SKI: variants seen among roughly 807,000 people sequenced by gnomAD.
The protein encoded by SKI is ski oncogene.
A neutral mutation model predicts 59.3 loss-of-function variants in SKI; 23 were observed. The ratio of observed to expected loss-of-function variants is 0.39; its 90% CI spans 0.28 to 0.55. The LOEUF (loss-of-function observed/expected upper bound fraction) is 0.55. SKI is among the 20% of genes least tolerant of loss of function. The pLI, the probability that SKI is intolerant of heterozygous loss-of-function variation, is 0.67. For missense variants in SKI, 1,017 were observed against 1,038.9 expected, an observed-to-expected ratio of 0.98 and a Z score of 0.29; for synonymous variants, 673 against 488.6, an observed-to-expected ratio of 1.38 and a Z score of -4.98.
intron 1 of SKI, among the ~76,000 whole-genome samples, chr1:2,277,145 T>A (rs533326846): frequency 6.6e-6 from 1 of 152,190 alleles, no homozygotes; most frequent in East Asian, 1.9e-4. Flanking sequence ...ACTTAAAACT[T>A]CTTTTTTTCT....
chr1:2,263,586 TC>T (rs1639433254), intron 1 of SKI, among the ~76,000 whole-genome samples: 1 of 152,016 alleles, frequency 6.6e-6, no homozygotes, highest in African/African-American at 2.4e-5. Flanking sequence ...TGTTTTTTTT[TC>T]TTCTTCTTCC....
chr1:2,245,788 C>CTTTTTTTTTTTTT (rs766445644), intron 1 of SKI, among the ~76,000 whole-genome samples: 2 of 70,380 alleles, frequency 2.8e-5, no homozygotes, highest in Admixed American at 2.2e-4. Flanking sequence ...ATTTTTCCTT[C>CTTTTTTTTTTTTT]TTTTTTTTTT....
rs887152531 is a variant in SKI at position 2,286,830 on chromosome 1, C to T, written c.970-16148C>T. Among the ~76,000 whole-genome samples, 12 of 152,238 alleles carry T rather than the reference C, an allele frequency of 7.9e-5. 1 individual carries two copies. The highest frequency in any genetic ancestry group is 1.3e-4 in the Non-Finnish European group (9 of 68,038). ...CCTCCTCCACTGGACGCTCTTTACACGGGCTGGGAATGGCAGTGGGCTTGC... is the reference window on the plus strand; with the variant it reads ...CCTCCTCCACTGGACGCTCTTTACATGGGCTGGGAATGGCAGTGGGCTTGC... On this transcript the variant is annotated intron_variant, in intron 1 of 6. Coordinates refer to ENST00000378536, the MANE Select transcript of SKI (RefSeq NM_003036.4).
At chr1:2,235,363 C>T (rs1056816018) in intron 1 of SKI, among the ~76,000 whole-genome samples, 5 of 152,158 alleles carry the variant, frequency 3.3e-5, no homozygotes, top group South Asian at 2.1e-4. Flanking sequence ...GGTTCTGCCA[C>T]GGAAGGCATC....
chr1:2,276,337 A>G (rs1364236523), intron 1 of SKI, among the ~76,000 whole-genome samples: 1 of 152,014 alleles, frequency 6.6e-6, no homozygotes, highest in Admixed American at 6.5e-5. Flanking sequence ...GAGGCCGTTT[A>G]CTTGAGGTTT....
chr1:2,278,964 C>A (rs1029174128), intron 1 of SKI, among the ~76,000 whole-genome samples: 20 of 152,170 alleles, frequency 1.3e-4, no homozygotes, highest in Admixed American at 1.2e-3. Context: ...TGGACCCTGG[C>A]GTTGAAGTGC....
intron 1 of SKI, among the ~76,000 whole-genome samples, chr1:2,285,568 T>C (rs1163938196): frequency 7.2e-6 from 1 of 138,122 alleles, no homozygotes; most frequent in East Asian, 2.1e-4. Context: ...GTTTTGTTGT[T>C]TTTGTTTTTT....
chr1:2,261,572 GT>G (rs1338494226), intron 1 of SKI, among the ~76,000 whole-genome samples: 1 of 152,216 alleles, frequency 6.6e-6, no homozygotes, highest in East Asian at 1.9e-4. Context: ...GGCCACTACA[GT>G]TCTTATATGT....
intron 1 of SKI, among the ~76,000 whole-genome samples, chr1:2,285,400 A>G (rs369479150): frequency 9.2e-5 from 14 of 151,846 alleles, no homozygotes; most frequent in African/African-American, 1.2e-4. Flanking sequence ...CTGTAATCCC[A>G]GCTACTAGGG....
intron 1 of SKI, among the ~76,000 whole-genome samples, chr1:2,285,614 G>C (rs1170247757): frequency 6.6e-6 from 1 of 151,108 alleles, no homozygotes; most frequent in Admixed American, 6.6e-5. Context: ...ACCCAGGCTG[G>C]AGTGCAGTGG....
chr1:2,257,497 G>T (rs991906423), intron 1 of SKI, among the ~76,000 whole-genome samples: 1 of 152,258 alleles, frequency 6.6e-6, no homozygotes, highest in Non-Finnish European at 1.5e-5. Flanking sequence ...GCAGCTGCTT[G>T]GCCCCCAGCC....
intron 1 of SKI, among the ~76,000 whole-genome samples, chr1:2,240,268 A>C (rs1638840851): frequency 6.6e-6 from 1 of 152,066 alleles, no homozygotes; most frequent in Non-Finnish European, 1.5e-5. Flanking sequence ...AGGCCTGGAG[A>C]AGCGACACCG....
chr1:2,303,433 C>A lies in SKI; in HGVS notation c.1211+33C>A. The A allele has an allele frequency of 6.4e-7, 1 of 1,571,628 alleles. No individual in the cohort carries two copies. Among genetic ancestry groups the A allele is most frequent in the Non-Finnish European group, 8.7e-7 (1 of 1,145,146 alleles). ...GGCGCCATTCACAGGTGTTTCTGAT[C>A]ACGGGGGAGGCTCCACGAGGGCTGT... On this transcript the variant is annotated intron_variant, in intron 3 of 6. Transcript: ENST00000378536. The surrounding 1 kb of genome is among the most constrained non-coding windows in gnomAD (Gnocchi z 5.6).
chr1:2,244,729 A>G (rs1391851487), intron 1 of SKI, among the ~76,000 whole-genome samples: 2 of 152,124 alleles, frequency 1.3e-5, no homozygotes, highest in African/African-American at 4.8e-5. Flanking sequence ...TAACTTGTGC[A>G]TATTACATTT....
At chr1:2,258,468 A>G (rs1007040596) in intron 1 of SKI, among the ~76,000 whole-genome samples, 44 of 151,740 alleles carry the variant, frequency 2.9e-4, no homozygotes, top group Middle Eastern at 6.9e-3. Context: ...TCAGTCAGGA[A>G]ATGGAGTAAC....
chr1:2,269,987 C>T lies in SKI; in HGVS notation c.970-32991C>T, dbSNP rs1423807123. ...GTGCCTGTGGCTGGCGTGGGTCTGG[C>T]GGGTCTGGTGGTGCCTGTGGCTGGC... On this transcript the variant is annotated intron_variant, in intron 1 of 6. Transcript: ENST00000378536. This position sits in a 1 kb window ranked among gnomAD's most constrained non-coding sequence, Gnocchi z 4.7. 5.3e-5 allele frequency among the ~76,000 whole-genome samples: 7 copies of T among 132,408 alleles called. 1 individual carries two copies. The highest frequency in any genetic ancestry group is 4.1e-3 in the Middle Eastern group (1 of 246). The allele number at this position is 132,408 out of a possible 152,430, so 86.9% of individuals were successfully genotyped here.
In SKI at chr1:2,309,103, G is replaced by A. The variant is rs934976642; in HGVS notation, c.*2338G>A. ...TCGGCTCACCAGGGTCACTTCCACT[G>A]TCAGGGGCCTGAGGGGGCAGCTGTG... On this transcript the variant is annotated 3_prime_UTR_variant, in exon 7 of 7. Transcript: ENST00000378536. 2 of 152,372 alleles carry A rather than the reference G, an allele frequency of 1.3e-5. No individual in the cohort carries two copies. Among genetic ancestry groups the A allele is most frequent in the African/African-American group, 4.8e-5 (2 of 41,464 alleles). The allele number at this position is 152,372 out of a possible 1,614,324, so 9.4% of individuals were successfully genotyped here.
In SKI at chr1:2,252,519, T is replaced by TG. The variant is rs554340101; in HGVS notation, c.969+22785dup. On this transcript the variant is annotated intron_variant, in intron 1 of 6. Coordinates refer to ENST00000378536, the MANE Select transcript of SKI (RefSeq NM_003036.4). Reference sequence around the variant, plus strand: ...GCTTTCGTCCGTCTGAGCTGCTGACTGAGGGTCTTTATTTCCACACTCGAG... The same window carrying TG: ...GCTTTCGTCCGTCTGAGCTGCTGACTGGAGGGTCTTTATTTCCACACTCGAG... Among the ~76,000 whole-genome samples, 23 of 152,348 alleles carry TG rather than the reference T, an allele frequency of 1.5e-4. No homozygotes were observed. In the East Asian group the frequency reaches 4.1e-3, roughly 27 times the overall value.
intron 1 of SKI, among the ~76,000 whole-genome samples, chr1:2,237,646 A>G (rs528786665): frequency 6.6e-6 from 1 of 152,378 alleles, no homozygotes; most frequent in East Asian, 1.9e-4. Flanking sequence ...CTGCCGGGAA[A>G]GTAACATGGA....
Sources: allele counts gnomAD v4.1 joint callset (sites outside exome capture counted in the v4.1 genomes callset), GRCh38; gene constraint gnomAD v4.1.1; non-coding constraint Gnocchi (gnomAD v3.1); transcripts MANE v1.5; gene names NCBI Gene and HGNC (gene_info 2026-07-23, HGNC 2026-07-21).